SLC18A1: variants seen among roughly 807,000 people sequenced by gnomAD.
SLC18A1 encodes the protein chromaffin granule amine transporter.
In SLC18A1, 69 loss-of-function variants were observed where a neutral mutation model predicts 53.7. The observed-to-expected ratio is 1.28, with a 90% CI of 1.06 to 1.57. SLC18A1 has a LOEUF of 1.57. Ranked by LOEUF, SLC18A1 falls within the 40% of genes most tolerant of loss-of-function variation. The pLI is 0.00. For missense variants in SLC18A1, 932 were observed against 668.1 expected (o/e 1.40, Z -4.35); for synonymous variants, 320 against 248.1 (o/e 1.29, Z -2.72).
intron 8 of SLC18A1, among the ~76,000 whole-genome samples, chr8:20,167,070 C>A (rs2071986303): frequency 6.6e-6 from 1 of 151,494 alleles, no homozygotes; most frequent in Admixed American, 6.6e-5. Context: ...GTATTTTGTT[C>A]TGGCATCTTG....
At chr8:20,182,877 A>G (rs964932741) in intron 1 of SLC18A1, among the ~76,000 whole-genome samples, 186 bp downstream of exon 1, 2 of 152,250 alleles carry the variant, frequency 1.3e-5, no homozygotes, top group South Asian at 4.1e-4. Flanking sequence ...ATTAAAAAAC[A>G]TAGTGAGTGA....
chr8:20,172,354 T>C (rs2072144828), intron 6 of SLC18A1, among the ~76,000 whole-genome samples: 1 of 152,220 alleles, frequency 6.6e-6, no homozygotes, highest in South Asian at 2.1e-4. Flanking sequence ...GGGTGGGGCA[T>C]AGGCCGGGGA....
chr8:20,147,587 G>A lies in SLC18A1; in HGVS notation c.1330+16C>T, dbSNP rs1301669506. The A allele has an allele frequency of 6.2e-7, 1 of 1,613,858 alleles. No homozygotes were observed. The highest frequency in any genetic ancestry group is 8.5e-7 in the Non-Finnish European group (1 of 1,179,806). ...GTAGACAGGGGAAAGTGGGGCACCAGGTCCTGCCAACATACCTATAGCAAA... is the reference window on the plus strand; with the variant it reads ...GTAGACAGGGGAAAGTGGGGCACCAAGTCCTGCCAACATACCTATAGCAAA... On this transcript the variant is annotated intron_variant, in intron 14 of 15. Transcript: ENST00000276373.
chr8:20,181,313 T>A lies in SLC18A1; in HGVS notation c.-123-226A>T, dbSNP rs189975949. ...AGGTATAAATCCAGATAAAAATAGA[T>A]GCTCTACAGATCACTTAACCCTGTG... is the stretch of plus-strand genomic sequence containing the variant. On this transcript the variant is annotated intron_variant, in intron 1 of 15. Coordinates refer to ENST00000276373, the MANE Select transcript of SLC18A1 (RefSeq NM_003053.4). Among the ~76,000 whole-genome samples the A allele has an allele frequency of 2.2e-4, 34 of 152,360 alleles. No individual in the cohort carries two copies. In the East Asian group the frequency reaches 6.4e-3, roughly 29 times the overall value.
chr8:20,182,807 T>A (rs1422683847), intron 1 of SLC18A1, among the ~76,000 whole-genome samples: 1 of 152,188 alleles, frequency 6.6e-6, no homozygotes, highest in Admixed American at 6.5e-5. Flanking sequence ...AAGGAGGTAT[T>A]TCTGAATACA....
intron 7 of SLC18A1, 55 bp from the exon 8 acceptor site, chr8:20,171,201 TC>T: frequency 6.4e-7 from 1 of 1,574,608 alleles, no homozygotes; most frequent in Non-Finnish European, 8.7e-7. Flanking sequence ...AGCTGGGGGC[TC>T]CAATAACAGC....
At chr8:20,150,847 T>G in intron 10 of SLC18A1, 103 bp from the exon 11 acceptor site, 3 of 1,024,040 alleles carry the variant, frequency 2.9e-6, no homozygotes, top group Non-Finnish European at 4.6e-6. Context: ...CCTTCCAAGA[T>G]CCCCAAACCA....
intron 10 of SLC18A1, among the ~76,000 whole-genome samples, chr8:20,158,204 T>C (rs2071729146): frequency 6.6e-6 from 1 of 152,108 alleles, no homozygotes; most frequent in Non-Finnish European, 1.5e-5. Context: ...TCAGTCTTAC[T>C]CTCCTGTCCC....
chr8:20,179,527 G>A (rs982645863), intron 2 of SLC18A1, 43 bp from the exon 3 acceptor site: 5 of 1,567,940 alleles, frequency 3.2e-6, no homozygotes, highest in South Asian at 1.2e-5. Context: ...AAGGACCGAT[G>A]TCATCTTACC....
chr8:20,173,278 TTCAAG>T (rs2072172317), intron 5 of SLC18A1, 150 bp from the exon 6 acceptor site: 3 of 628,934 alleles, frequency 4.8e-6, no homozygotes, highest in Non-Finnish European at 8.3e-6. Context: ...CGTAGTATTT[TTCAAG>T]TACTACCCTC....
At position 20,148,146 on chromosome 8, in the gene SLC18A1, T is replaced by A; in HGVS notation, c.1147-76A>T. 5 of 1,287,000 alleles carry A rather than the reference T, an allele frequency of 3.9e-6. 1 individual carries two copies. In the South Asian group the frequency reaches 4.8e-5, roughly 12 times the overall value. The allele number at this position is 1,287,000 out of a possible 1,614,324, so 79.7% of individuals were successfully genotyped here. Reference sequence around the variant, plus strand: ...GAGCAAGGTTCAAAGAGTTTTCACATGAAATGCATTTATTCAGAGTGCACT... The same window carrying A: ...GAGCAAGGTTCAAAGAGTTTTCACAAGAAATGCATTTATTCAGAGTGCACT... On this transcript the variant is annotated intron_variant, in intron 12 of 15. Coordinates refer to ENST00000276373, the MANE Select transcript of SLC18A1 (RefSeq NM_003053.4).
At chr8:20,150,551 T>C in intron 11 of SLC18A1, 115 bp downstream of exon 11, 2 of 904,984 alleles carry the variant, frequency 2.2e-6, no homozygotes, top group Non-Finnish European at 3.7e-6. Flanking sequence ...TTTATCGGTG[T>C]GTACTCATCC....
At position 20,173,022 on chromosome 8, in the gene SLC18A1, C is replaced by A. The variant is rs373181243; in HGVS notation, c.724+14G>T. 5 of 1,569,714 alleles carry A rather than the reference C, an allele frequency of 3.2e-6. No homozygotes were observed. The highest frequency in any genetic ancestry group is 1.4e-5 in the African/African-American group (1 of 73,942). On this transcript the variant is annotated intron_variant, in intron 6 of 15. Transcript: ENST00000276373. ...CACCCTCCCGAACCCAGAGCTCCAGCTGGTGCCACTTACCCAGCAACCCCA... is the reference window on the plus strand; with the variant it reads ...CACCCTCCCGAACCCAGAGCTCCAGATGGTGCCACTTACCCAGCAACCCCA...
In SLC18A1 at chr8:20,145,891, A is replaced by C. The variant is rs1310588488; in HGVS notation, c.1465-15T>G. On this transcript the variant is annotated splice_polypyrimidine_tract_variant and intron_variant, in intron 15 of 15. Transcript: ENST00000276373. ...CTCAGAATAGCCTGCAGAGAGAGGC[A>C]AGAAGAGAAGCCACTGCACATTATT... is the stretch of plus-strand genomic sequence containing the variant. 2 of 1,479,614 alleles carry C rather than the reference A, an allele frequency of 1.4e-6. No homozygotes were observed. Among genetic ancestry groups the C allele is most frequent in the East Asian group, 2.3e-5 (1 of 43,562 alleles). The allele number at this position is 1,479,614 out of a possible 1,614,324, so 91.7% of individuals were successfully genotyped here.
rs747321215 is a variant in SLC18A1, at chr8:20,180,711, A to T, written c.124+130T>A. 3.8e-4 allele frequency: 448 copies of T among 1,174,606 alleles called. 3 individuals carry two copies. The highest frequency in any genetic ancestry group is 7.3e-5 in the Non-Finnish European group (61 of 834,844). The allele number at this position is 1,174,606 out of a possible 1,614,324, so 72.8% of individuals were successfully genotyped here. ...CAGGGCTTTTTTCCAGTCCCCAACA[A>T]CCTCTGTGTGTTTTTGAGCATAAAA... On this transcript the variant is annotated intron_variant, in intron 2 of 15. Coordinates refer to ENST00000276373, the MANE Select transcript of SLC18A1 (RefSeq NM_003053.4).
At chr8:20,151,079 C>A in intron 10 of SLC18A1, 1 of 248,446 alleles carries the variant, frequency 4.0e-6, no homozygotes, top group African/African-American at 2.2e-5. Flanking sequence ...TCAAGTGATC[C>A]TCCCAGCTCA....
intron 15 of SLC18A1, among the ~76,000 whole-genome samples, chr8:20,146,392 T>C (rs1405006822): frequency 6.6e-6 from 1 of 152,106 alleles, no homozygotes; most frequent in Non-Finnish European, 1.5e-5. Flanking sequence ...TCATTTGCTT[T>C]TAACTGAATT....
intron 4 of SLC18A1, among the ~76,000 whole-genome samples, chr8:20,177,480 G>A (rs567355168): frequency 6.6e-6 from 1 of 152,128 alleles, no homozygotes; most frequent in Non-Finnish European, 1.5e-5. Flanking sequence ...CACACACCGG[G>A]GCCTGTCATG....
rs762821653 is a variant in SLC18A1, at chr8:20,174,367, C to T, written c.625G>A (p.Val209Ile). 3.1e-6 allele frequency: 5 copies of T among 1,612,772 alleles called. No homozygotes were observed. Among genetic ancestry groups the T allele is most frequent in the South Asian group, 2.2e-5 (2 of 91,060 alleles). The change falls in exon 5 of 16, where the codon GTT (valine) becomes ATT (isoleucine). Residue 209 changes from valine (V) to isoleucine (I), a missense_variant. Physicochemically the swap from Val to Ile is conservative, Grantham distance 29. Coordinates refer to ENST00000276373, the MANE Select transcript of SLC18A1 (RefSeq NM_003053.4). The part of the protein sequence containing the change: ...LQGIGSSFSS[V>I]AGLGMLASVY... ...GATGAGTTGCCAGTGTTACCTGCAA[C>T]AGATGAAAATGAAGATCCAATGCCT...
Sources: gnomAD v4.1 joint callset for allele counts (sites outside exome capture counted in the v4.1 genomes callset) on GRCh38, gnomAD v4.1.1 for gene constraint, MANE v1.5 for transcripts, NCBI Gene and HGNC (gene_info 2026-07-23, HGNC 2026-07-21) for gene names.